The following DCC variants were observed in gnomAD, a reference collection of about 807,000 sequenced individuals.
DCC encodes DCC netrin 1 receptor.
Under a neutral mutation model 172.5 loss-of-function variants are expected in DCC, and 58 were observed. That is an observed-to-expected ratio of 0.34 (90% confidence interval 0.27 to 0.42). DCC has a LOEUF of 0.42. DCC is among the 10% of genes least tolerant of loss of function. The pLI is 1.00. For synonymous variants in DCC, 709 were observed against 644.5 expected, an observed-to-expected ratio of 1.10 and a Z score of -1.52; for missense variants, 1,740 against 1,791.0, an observed-to-expected ratio of 0.97 and a Z score of 0.51.
chr18:53,098,860 A>G (rs977534540), intron 7 of DCC, among the ~76,000 whole-genome samples: 1 of 152,114 alleles, frequency 6.6e-6, no homozygotes, highest in African/African-American at 2.4e-5. Context: ...GTTTTTAAAA[A>G]TAAGCCCAGC....
intron 2 of DCC, among the ~76,000 whole-genome samples, chr18:52,814,730 C>A (rs1354003099): frequency 6.6e-6 from 1 of 151,984 alleles, no homozygotes; most frequent in Non-Finnish European, 1.5e-5. Flanking sequence ...TATCAAAAAG[C>A]CTTTCTTAAA....
intron 12 of DCC, among the ~76,000 whole-genome samples, chr18:53,230,862 A>T (rs906881202): frequency 6.6e-6 from 1 of 151,876 alleles, no homozygotes; most frequent in African/African-American, 2.4e-5. Context: ...AAATTCAGTG[A>T]TTTTTTGGAA....
chr18:53,494,817 G>T (rs2046000438), intron 26 of DCC, among the ~76,000 whole-genome samples: 1 of 152,170 alleles, frequency 6.6e-6, no homozygotes, highest in African/African-American at 2.4e-5. Flanking sequence ...GGTTAATATT[G>T]TTATGTGTGT....
intron 8 of DCC, among the ~76,000 whole-genome samples, chr18:53,177,540 G>A (rs2055124116): frequency 1.3e-5 from 2 of 152,106 alleles, no homozygotes; most frequent in South Asian, 4.1e-4. Flanking sequence ...GTTACTGATT[G>A]TCAGTTCTTT....
intron 15 of DCC, among the ~76,000 whole-genome samples, chr18:53,383,438 T>C (rs931622981): frequency 1.3e-5 from 2 of 150,892 alleles, no homozygotes; most frequent in African/African-American, 2.4e-5. Context: ...GTTTGCAGAT[T>C]ATCCTTATCT....
chr18:52,766,307 C>CCTGCA (rs1213603598), intron 2 of DCC, among the ~76,000 whole-genome samples: 1 of 152,210 alleles, frequency 6.6e-6, no homozygotes, highest in Non-Finnish European at 1.5e-5. Context: ...GGGTGTGTTA[C>CCTGCA]AGTGCTTTCA....
chr18:52,532,857 C>T lies in DCC; in HGVS notation c.91+191979C>T, dbSNP rs193137432. On this transcript the variant is annotated intron_variant, in intron 1 of 28. Coordinates refer to ENST00000442544, the MANE Select transcript of DCC (RefSeq NM_005215.4). ...CATTCAGTGGTTTTTAGTATATTCA[C>T]CAAGTTTTGCAACCATCACTGCTAT... Among the ~76,000 whole-genome samples the T allele has an allele frequency of 4.0e-3, 605 of 152,084 alleles. 5 individuals carry two copies. The highest frequency in any genetic ancestry group is 3.6e-3 in the Non-Finnish European group (242 of 67,962).
At chr18:53,421,390 C>A (rs1271395522) in intron 21 of DCC, among the ~76,000 whole-genome samples, 5 of 152,160 alleles carry the variant, frequency 3.3e-5, no homozygotes, top group Admixed American at 1.3e-4. Flanking sequence ...AAAGAAAATG[C>A]TCACTTTGAG....
chr18:53,108,957 AT>A (rs1315886609), intron 7 of DCC, among the ~76,000 whole-genome samples: 9 of 150,004 alleles, frequency 6.0e-5, no homozygotes, highest in African/African-American at 2.2e-4. Flanking sequence ...GGAACTGCAC[AT>A]TTTCAAACTC....
At chr18:53,296,042 A>C (rs1430909662) in intron 12 of DCC, among the ~76,000 whole-genome samples, 2 of 152,308 alleles carry the variant, frequency 1.3e-5, no homozygotes, top group South Asian at 2.1e-4. Context: ...TATTCATAGA[A>C]TAGAAGTTAC....
At chr18:53,367,648 A>ATTTCT (rs2058020767) in intron 15 of DCC, among the ~76,000 whole-genome samples, 1 of 152,142 alleles carries the variant, frequency 6.6e-6, no homozygotes, top group African/African-American at 2.4e-5. Context: ...TAAAGCTGAA[A>ATTTCT]TTCTATACCC....
At chr18:52,854,036 T>C (rs2039015882) in intron 2 of DCC, among the ~76,000 whole-genome samples, 1 of 152,236 alleles carries the variant, frequency 6.6e-6, no homozygotes, top group Admixed American at 6.5e-5. Context: ...TACTGGTTTC[T>C]TCAACTGTAA....
At chr18:52,387,601 T>TCCTTCCTTCCTTCCTC (rs1268152043) in intron 1 of DCC, among the ~76,000 whole-genome samples, 14 of 150,294 alleles carry the variant, frequency 9.3e-5, no homozygotes, top group African/African-American at 3.2e-4. Flanking sequence ...CTTCCTTCCT[T>TCCTTCCTTCCTTCCTC]CCTTCCTTCC....
chr18:52,959,423 A>C (rs528010644), intron 5 of DCC, among the ~76,000 whole-genome samples: 2 of 152,200 alleles, frequency 1.3e-5, no homozygotes, highest in East Asian at 1.9e-4. Flanking sequence ...TGAACCCTCT[A>C]AACGCAGGCA....
At chr18:53,201,790 C>G (rs574551570) in intron 9 of DCC, among the ~76,000 whole-genome samples, 12 of 152,170 alleles carry the variant, frequency 7.9e-5, no homozygotes, top group South Asian at 4.1e-4. Context: ...GAACATAGAG[C>G]TTTTTCATAG....
intron 7 of DCC, among the ~76,000 whole-genome samples, chr18:53,112,299 C>G (rs1355570365): frequency 1.3e-5 from 2 of 151,388 alleles, no homozygotes; most frequent in African/African-American, 4.8e-5. Flanking sequence ...AAGTCAATAA[C>G]TATGAAAATT....
At chr18:52,739,618 T>C (rs1344316121) in intron 1 of DCC, among the ~76,000 whole-genome samples, 1 of 152,178 alleles carries the variant, frequency 6.6e-6, no homozygotes, top group Non-Finnish European at 1.5e-5. Context: ...GTGTCTACCG[T>C]TTACATTTTG....
At chr18:52,594,638 G>A (rs184370387) in intron 1 of DCC, among the ~76,000 whole-genome samples, 26 of 152,292 alleles carry the variant, frequency 1.7e-4, no homozygotes, top group Admixed American at 1.6e-3. Context: ...TTGGCTCACA[G>A]CTCTACAGGC....
intron 7 of DCC, among the ~76,000 whole-genome samples, chr18:53,150,964 G>A (rs539490187): frequency 6.6e-6 from 1 of 152,300 alleles, no homozygotes; most frequent in South Asian, 2.1e-4. Context: ...TATGGAAGGA[G>A]TAATGTTGGA....
Sources: allele counts gnomAD v4.1 joint callset (sites outside exome capture counted in the v4.1 genomes callset), GRCh38; gene constraint gnomAD v4.1.1; transcripts MANE v1.5; gene names NCBI Gene and HGNC (gene_info 2026-07-23, HGNC 2026-07-21).